Variants in CMSS1 observed in about 807,000 individuals in gnomAD.
CMSS1 encodes the protein protein CMSS1.
Under a neutral mutation model 43.5 loss-of-function variants are expected in CMSS1, and 33 were observed. That is an observed-to-expected ratio of 0.76 (90% CI 0.57 to 1.01). The LOEUF is 1.01. Ranked by LOEUF, CMSS1 falls within the 50% of genes least tolerant of loss-of-function variation. CMSS1 has a pLI of 0.00. For missense variants in CMSS1, 313 were observed against 326.4 expected (o/e 0.96, Z 0.32); for synonymous variants, 115 against 117.2 (o/e 0.98, Z 0.12).
intron 1 of CMSS1, among the ~76,000 whole-genome samples, chr3:100,002,214 G>T (rs554123622): frequency 6.6e-6 from 1 of 152,280 alleles, no homozygotes; most frequent in East Asian, 1.9e-4. Flanking sequence ...GGTAAATCAC[G>T]CACAGACTGA....
chr3:100,000,499 A>G (rs982915606), intron 1 of CMSS1, among the ~76,000 whole-genome samples: 5 of 152,210 alleles, frequency 3.3e-5, no homozygotes, highest in African/African-American at 1.2e-4. Flanking sequence ...GCTGGAAGAA[A>G]GGGTAAAAAC....
intron 1 of CMSS1, among the ~76,000 whole-genome samples, chr3:99,846,304 T>C (rs1943363194): frequency 6.6e-6 from 1 of 152,236 alleles, no homozygotes; most frequent in African/African-American, 2.4e-5. Flanking sequence ...TTGGGAAGAC[T>C]TTGTTCTTAA....
chr3:99,848,449 C>G (rs767218439), intron 1 of CMSS1: 1 of 1,614,146 alleles, frequency 6.2e-7, no homozygotes, highest in Non-Finnish European at 8.5e-7. Flanking sequence ...TCTCACAGGG[C>G]TGGCTACAGC....
At chr3:99,896,375 T>C (rs1269457811) in intron 1 of CMSS1, among the ~76,000 whole-genome samples, 2 of 152,064 alleles carry the variant, frequency 1.3e-5, no homozygotes, top group Admixed American at 6.5e-5. Context: ...GGCTGTTTCA[T>C]TTTAAACAGT....
intron 1 of CMSS1, among the ~76,000 whole-genome samples, chr3:100,036,157 T>C (rs2065103555): frequency 6.6e-6 from 1 of 152,202 alleles, no homozygotes. Flanking sequence ...TTCTAAGGCA[T>C]GAAAAATTTC....
chr3:99,841,861 G>A (rs1277763449), intron 1 of CMSS1, among the ~76,000 whole-genome samples: 3 of 152,146 alleles, frequency 2.0e-5, no homozygotes, highest in Non-Finnish European at 2.9e-5. Flanking sequence ...TGTGGTGAAA[G>A]GGGAACACTT....
chr3:99,904,235 G>C (rs74955263), intron 1 of CMSS1, among the ~76,000 whole-genome samples: 1 of 152,150 alleles, frequency 6.6e-6, no homozygotes, highest in African/African-American at 2.4e-5. Flanking sequence ...AGGCCAGATT[G>C]TTTCACCATT....
At chr3:100,021,297 T>G (rs1177409175) in intron 1 of CMSS1, among the ~76,000 whole-genome samples, 1 of 152,166 alleles carries the variant, frequency 6.6e-6, no homozygotes, top group Non-Finnish European at 1.5e-5. Flanking sequence ...TTCTTTGGAG[T>G]TGTTAAAAAG....
At chr3:100,117,416 C>T (rs2066580077) in intron 1 of CMSS1, among the ~76,000 whole-genome samples, 1 of 151,822 alleles carries the variant, frequency 6.6e-6, no homozygotes, top group South Asian at 2.1e-4. Flanking sequence ...GTCTGACTTC[C>T]GAGGCCTAAC....
intron 1 of CMSS1, among the ~76,000 whole-genome samples, chr3:99,908,851 A>T (rs141511080): frequency 6.6e-6 from 1 of 152,170 alleles, no homozygotes; most frequent in African/African-American, 2.4e-5. Flanking sequence ...AGAATCTACC[A>T]TCTACAAAAA....
At chr3:100,010,038 A>C (rs975489804) in intron 1 of CMSS1, 1 of 208,662 alleles carries the variant, frequency 4.8e-6, no homozygotes, top group Non-Finnish European at 8.3e-6. Context: ...TCAGTTGTTA[A>C]GATATCTACC....
intron 2 of CMSS1, among the ~76,000 whole-genome samples, chr3:100,149,953 G>C (rs2066889785): frequency 6.6e-6 from 1 of 151,906 alleles, no homozygotes; most frequent in Non-Finnish European, 1.5e-5. Context: ...CCACATCCCT[G>C]ATTTCCCAAC....
rs576808286 is a variant in CMSS1, at chr3:99,899,394, A to G, written c.64+81351A>G. On this transcript the variant is annotated intron_variant, in intron 1 of 9. Transcript: ENST00000421999. The stretch of plus-strand genomic sequence containing the variant: ...CATAACTAATGCACTAGAGTTAAAA[A>G]TGGAAATCTCATATTTTAAGATCAT... 9.8e-5 allele frequency among the ~76,000 whole-genome samples: 15 copies of G among 152,314 alleles called. No homozygotes were observed. In the South Asian group the frequency reaches 2.5e-3, roughly 25 times the overall value.
At chr3:99,962,134 G>T (rs1708512598) in intron 1 of CMSS1, among the ~76,000 whole-genome samples, 1 of 152,302 alleles carries the variant, frequency 6.6e-6, no homozygotes, top group East Asian at 1.9e-4. Flanking sequence ...TTCCAGGAAG[G>T]ACTGGCTTGC....
At chr3:100,042,680 T>G (rs2065224372) in intron 1 of CMSS1, among the ~76,000 whole-genome samples, 1 of 152,166 alleles carries the variant, frequency 6.6e-6, no homozygotes, top group African/African-American at 2.4e-5. Flanking sequence ...ATGGAGAACA[T>G]GAGGGAGGAA....
At chr3:100,050,890 T>G (rs1023448190) in intron 1 of CMSS1, among the ~76,000 whole-genome samples, 3 of 152,174 alleles carry the variant, frequency 2.0e-5, no homozygotes, top group African/African-American at 7.2e-5. Flanking sequence ...TGAGACACAT[T>G]CTTTGGGAGC....
chr3:100,049,850 C>T (rs2065339961), intron 1 of CMSS1, among the ~76,000 whole-genome samples: 1 of 152,036 alleles, frequency 6.6e-6, no homozygotes, highest in Non-Finnish European at 1.5e-5. Flanking sequence ...TGTTAATTGA[C>T]TTTTTATTTT....
At chr3:100,170,501 A>G (rs1318014569) in intron 6 of CMSS1, among the ~76,000 whole-genome samples, 1 of 152,218 alleles carries the variant, frequency 6.6e-6, no homozygotes, top group Non-Finnish European at 1.5e-5. Context: ...AACAGCCAGG[A>G]TCTGTTGGGA....
intron 1 of CMSS1, among the ~76,000 whole-genome samples, chr3:99,878,804 A>G (rs1705625804): frequency 6.6e-6 from 1 of 152,160 alleles, no homozygotes. Context: ...TGTATTGCAA[A>G]CTCCAACCAG....
Sources: gnomAD v4.1 joint callset for allele counts (sites outside exome capture counted in the v4.1 genomes callset) on GRCh38, gnomAD v4.1.1 for gene constraint, MANE v1.5 for transcripts, NCBI Gene and HGNC (gene_info 2026-07-23, HGNC 2026-07-21) for gene names.